Variants in PGM5 observed in about 807,000 individuals in gnomAD.
The protein encoded by PGM5 is phosphoglucomutase-like protein 5.
In PGM5, 23 loss-of-function variants were observed where a neutral mutation model predicts 59.2. The ratio of observed to expected loss-of-function variants is 0.39; its 90% CI spans 0.28 to 0.55. The LOEUF is 0.55. Among genes scored for constraint, PGM5 ranks in the 20% least tolerant of loss-of-function variants. The pLI is 0.66. For synonymous variants in PGM5, 214 were observed against 286.0 expected (o/e 0.75, Z 2.54); for missense variants, 574 against 748.3 (o/e 0.77, Z 2.72).
In PGM5 at chr9:68,453,583, C is replaced by G. The variant is rs375900971; in HGVS notation, c.1044-11510C>G. Among the ~76,000 whole-genome samples, 52 of 152,356 alleles carry G rather than the reference C, an allele frequency of 3.4e-4. 1 individual carries two copies. The South Asian group carries it at 7.9e-3, about 23-fold the overall frequency. On this transcript the variant is annotated intron_variant, in intron 6 of 10. Coordinates refer to ENST00000396396, the MANE Select transcript of PGM5 (RefSeq NM_021965.4). ...AACTCCTGGGCTCAAGCTATCCCCC[C>G]TCCTTGGCCTCCCAAAGTGTTGGGA... is the stretch of plus-strand genomic sequence containing the variant.
intron 10 of PGM5, among the ~76,000 whole-genome samples, chr9:68,503,594 A>T (rs148571091): frequency 5.9e-5 from 9 of 152,340 alleles, no homozygotes; most frequent in Non-Finnish European, 1.3e-4. Context: ...GTCCCCAATA[A>T]ACCAGGAGAC....
In PGM5 at chr9:68,477,948, G is replaced by A. The variant is rs114617754; in HGVS notation, c.1160-1470G>A. ...ATTAAGTTGATACAACAACAATGCC[G>A]CAAAATGGGTGATGGGGTCCCCATT... On this transcript the variant is annotated intron_variant, in intron 7 of 10. Coordinates refer to ENST00000396396, the MANE Select transcript of PGM5 (RefSeq NM_021965.4). Among the ~76,000 whole-genome samples, 978 of 152,310 alleles carry A rather than the reference G, an allele frequency of 6.4e-3. 12 individuals carry two copies. Among genetic ancestry groups the A allele is most frequent in the African/African-American group, 0.021 (892 of 41,564 alleles).
At chr9:68,376,571 A>G (rs1194324148) in intron 1 of PGM5, among the ~76,000 whole-genome samples, 1 of 149,904 alleles carries the variant, frequency 6.7e-6, no homozygotes, top group Non-Finnish European at 1.5e-5. Context: ...GCTGATTGTT[A>G]TATTTGGTCA....
intron 10 of PGM5, among the ~76,000 whole-genome samples, chr9:68,502,130 C>T (rs1468505801): frequency 1.3e-5 from 2 of 152,180 alleles, no homozygotes; most frequent in African/African-American, 4.8e-5. Context: ...CCGGGGAGGG[C>T]CCTGATGAGA....
intron 6 of PGM5, among the ~76,000 whole-genome samples, chr9:68,446,431 A>C (rs1587812878): frequency 6.6e-6 from 1 of 152,264 alleles, no homozygotes; most frequent in African/African-American, 2.4e-5. Context: ...ATAGCCTCTA[A>C]CAACATGGGC....
intron 6 of PGM5, among the ~76,000 whole-genome samples, chr9:68,424,771 T>G (rs1374535453): frequency 2.0e-5 from 3 of 152,204 alleles, no homozygotes; most frequent in Non-Finnish European, 4.4e-5. Context: ...CCAAACATAT[T>G]TGACCAATGA....
chr9:68,476,333 T>C (rs1824103200), intron 7 of PGM5, among the ~76,000 whole-genome samples: 1 of 152,226 alleles, frequency 6.6e-6, no homozygotes, highest in Non-Finnish European at 1.5e-5. Context: ...CATTGTCCAT[T>C]GAGGTTTCTC....
At position 68,377,062 on chromosome 9, in the gene PGM5, G is replaced by T. The variant is rs1446210580; in HGVS notation, c.262-1137G>T. ...CCACCTCAGCCCCCGGAGTAGCTGG[G>T]ACTACAGGCGTGCACCACCATGCTC... On this transcript the variant is annotated intron_variant, in intron 1 of 10. Coordinates refer to ENST00000396396, the MANE Select transcript of PGM5 (RefSeq NM_021965.4). 1.3e-4 allele frequency among the ~76,000 whole-genome samples: 20 copies of T among 151,948 alleles called. No individual in the cohort carries two copies. The Middle Eastern group carries it at 0.014, about 104-fold the overall frequency.
chr9:68,405,488 T>A (rs1822781423), intron 6 of PGM5: 1 of 152,382 alleles, frequency 6.6e-6, no homozygotes, highest in African/African-American at 2.4e-5. Context: ...TGAGACTCAC[T>A]AATAACTGAC....
At chr9:68,416,130 A>G (rs1189060087) in intron 6 of PGM5, among the ~76,000 whole-genome samples, 3 of 152,182 alleles carry the variant, frequency 2.0e-5, no homozygotes, top group Non-Finnish European at 4.4e-5. Context: ...TCCTTCCACA[A>G]ATGCTCTGCT....
intron 6 of PGM5, among the ~76,000 whole-genome samples, chr9:68,418,415 G>A (rs1002591173): frequency 6.6e-6 from 1 of 152,116 alleles, no homozygotes; most frequent in Non-Finnish European, 1.5e-5. Flanking sequence ...CAGACAAGTG[G>A]TATTATTTTT....
intron 6 of PGM5, among the ~76,000 whole-genome samples, chr9:68,455,337 A>C (rs116495582): frequency 0.022 from 3,326 of 152,258 alleles, 117 homozygotes; most frequent in African/African-American, 0.074. Context: ...TGGCCCTGAG[A>C]GATATTAATC....
At chr9:68,449,452 G>A (rs1387306711) in intron 6 of PGM5, among the ~76,000 whole-genome samples, 1 of 152,198 alleles carries the variant, frequency 6.6e-6, no homozygotes, top group Non-Finnish European at 1.5e-5. Context: ...ATTTCCTCAA[G>A]AGAGGAGAGA....
intron 6 of PGM5, among the ~76,000 whole-genome samples, chr9:68,443,389 G>A (rs556293786): frequency 6.6e-6 from 1 of 152,256 alleles, no homozygotes; most frequent in South Asian, 2.1e-4. Flanking sequence ...TCATGAGGGA[G>A]TTTCTGTGGT....
intron 6 of PGM5, among the ~76,000 whole-genome samples, chr9:68,431,987 A>G (rs1379270426): frequency 6.6e-6 from 1 of 152,192 alleles, no homozygotes; most frequent in Non-Finnish European, 1.5e-5. Flanking sequence ...AGATGTTTGC[A>G]GACCAGGAGG....
At chr9:68,376,987 C>T (rs1384248422) in intron 1 of PGM5, among the ~76,000 whole-genome samples, 15 of 151,180 alleles carry the variant, frequency 9.9e-5, no homozygotes, top group East Asian at 2.0e-4. Context: ...AGTGCAGTGG[C>T]GCCATCTTAG....
chr9:68,487,387 C>T (rs905275140), intron 9 of PGM5, among the ~76,000 whole-genome samples: 2 of 151,016 alleles, frequency 1.3e-5, no homozygotes, highest in Admixed American at 6.6e-5. Context: ...GACCAGAATC[C>T]TTAATTTGAT....
intron 6 of PGM5, among the ~76,000 whole-genome samples, chr9:68,455,485 T>A (rs1823759816): frequency 6.7e-6 from 1 of 148,866 alleles, no homozygotes; most frequent in Admixed American, 6.7e-5. Flanking sequence ...GTACACAAAG[T>A]ATAAGCATCA....
At chr9:68,517,688 T>C (rs1027276539) in intron 10 of PGM5, among the ~76,000 whole-genome samples, 1 of 152,230 alleles carries the variant, frequency 6.6e-6, no homozygotes, top group Non-Finnish European at 1.5e-5. Flanking sequence ...CAAATGAAAT[T>C]TGATTTTTAA....
Sources: gnomAD v4.1 joint callset for allele counts (sites outside exome capture counted in the v4.1 genomes callset) on GRCh38, gnomAD v4.1.1 for gene constraint, MANE v1.5 for transcripts, NCBI Gene and HGNC (gene_info 2026-07-23, HGNC 2026-07-21) for gene names.